The following NFIB variants were observed in gnomAD, a reference collection of about 807,000 sequenced individuals.
The protein encoded by NFIB is nuclear factor I B, also known as nuclear factor 1 B-type.
In NFIB, 11 loss-of-function variants were observed where a neutral mutation model predicts 61.5. The observed-to-expected ratio is 0.18, with a 90% CI of 0.11 to 0.30. The LOEUF (loss-of-function observed/expected upper bound fraction) is 0.30. NFIB is among the 10% of genes least tolerant of loss of function. NFIB has a pLI of 1.00. For synonymous variants in NFIB, 260 were observed against 216.5 expected, an observed-to-expected ratio of 1.20 and a Z score of -1.76; for missense variants, 471 against 608.9, an observed-to-expected ratio of 0.77 and a Z score of 2.38.
the NFIB span, among the ~76,000 whole-genome samples, chr9:14,438,562 G>C: frequency 6.6e-6 from 1 of 152,186 alleles, no homozygotes; most frequent in Non-Finnish European, 1.5e-5. Flanking sequence ...AGCTGGAAAG[G>C]GGGTGGTGGA....
At chr9:14,122,675 G>C (rs1292973395) in intron 7 of NFIB, among the ~76,000 whole-genome samples, 8 of 152,114 alleles carry the variant, frequency 5.3e-5, no homozygotes. Flanking sequence ...TTTTAACCAT[G>C]ATTTTTGCTC....
intron 2 of NFIB, among the ~76,000 whole-genome samples, chr9:14,269,803 T>C (rs1001007318): frequency 6.6e-6 from 1 of 152,168 alleles, no homozygotes; most frequent in Admixed American, 6.5e-5. Flanking sequence ...TTCAATCTTA[T>C]GCTAACAAAA....
the NFIB span, among the ~76,000 whole-genome samples, chr9:14,524,246 T>C: frequency 3.9e-5 from 6 of 152,284 alleles, no homozygotes; most frequent in East Asian, 9.6e-4. Flanking sequence ...TATTCACACA[T>C]AATAAGTGCC....
chr9:14,318,196 T>C (rs1191156959), upstream of NFIB, among the ~76,000 whole-genome samples: 1 of 151,492 alleles, frequency 6.6e-6, no homozygotes, highest in Non-Finnish European at 1.5e-5. Flanking sequence ...TGCTGCCTTA[T>C]AAGGGAAAAA....
intron 1 of NFIB, among the ~76,000 whole-genome samples, chr9:14,388,865 T>C (rs1268167898): frequency 6.6e-6 from 1 of 152,232 alleles, no homozygotes; most frequent in African/African-American, 2.4e-5. Context: ...TGACATGTCT[T>C]GTAATTAAAA....
upstream of NFIB, among the ~76,000 whole-genome samples, chr9:14,315,616 C>T (rs1312410933): frequency 4.1e-5 from 6 of 147,726 alleles, no homozygotes; most frequent in Non-Finnish European, 9.0e-5. Flanking sequence ...TCGGCGCCCG[C>T]GCCGGCTCCC....
chr9:14,085,376 G>A lies in NFIB; in HGVS notation c.*2933C>T, dbSNP rs933603869. 4 of 224,226 alleles carry A rather than the reference G, an allele frequency of 1.8e-5. No homozygotes were observed. The highest frequency in any genetic ancestry group is 8.9e-5 in the African/African-American group (4 of 44,786). 13.9% of individuals were successfully genotyped at this position (224,226 alleles called of 1,614,324 possible). A position where few individuals can be genotyped will look rare whatever the true frequency, so the allele number is the denominator to read the frequency against. On this transcript the variant is annotated 3_prime_UTR_variant, in exon 11 of 11. Transcript: ENST00000380953. ...CTTCTAGTAATGAATACACTCAATG[G>A]GACTGGGCGGTGAGGGAAAGGCAAA...
Position 14,083,718 on chromosome 9 carries a change from T to C in NFIB, c.*4591A>G, listed in dbSNP as rs1183157779. On this transcript the variant is annotated 3_prime_UTR_variant, in exon 11 of 11. Transcript: ENST00000380953. ...CATCATTTCACACAGTACATAGAAT[T>C]TGAATCTAGGTAAAGAACATGTCCT... 2 of 224,562 alleles carry C rather than the reference T, an allele frequency of 8.9e-6. No homozygotes were observed. Among genetic ancestry groups the C allele is most frequent in the Non-Finnish European group, 1.8e-5 (2 of 112,426 alleles). 13.9% of individuals were successfully genotyped at this position (224,562 alleles called of 1,614,324 possible).
the NFIB span, among the ~76,000 whole-genome samples, chr9:14,483,759 C>T: frequency 0.01 from 1,573 of 152,298 alleles, 25 homozygotes; most frequent in African/African-American, 0.036. Flanking sequence ...GGCTATGGTT[C>T]CTCAACAATA....
chr9:14,104,947 A>G (rs1281973083), intron 10 of NFIB, among the ~76,000 whole-genome samples: 1 of 152,170 alleles, frequency 6.6e-6, no homozygotes, highest in African/African-American at 2.4e-5. Context: ...GAAAAATAAT[A>G]TGCTTTCACA....
the NFIB span, among the ~76,000 whole-genome samples, chr9:14,513,430 T>C: frequency 1.3e-4 from 19 of 151,926 alleles, no homozygotes; most frequent in South Asian, 3.7e-3. Flanking sequence ...GAGTTTGAGA[T>C]CAGCCTAACC....
chr9:14,485,357 G>C, the NFIB span, among the ~76,000 whole-genome samples: 1 of 142,788 alleles, frequency 7.0e-6, no homozygotes, highest in African/African-American at 3.0e-5. Flanking sequence ...ACCTGATTTT[G>C]TCCTCCAGCA....
intron 2 of NFIB, among the ~76,000 whole-genome samples, chr9:14,288,241 A>C (rs1003419749): frequency 5.9e-5 from 9 of 152,120 alleles, no homozygotes; most frequent in Non-Finnish European, 1.3e-4. Flanking sequence ...ATACTTTACG[A>C]AACATTTTAA....
intron 10 of NFIB, among the ~76,000 whole-genome samples, chr9:14,091,712 G>A (rs1010895499): frequency 2.0e-5 from 3 of 152,050 alleles, no homozygotes; most frequent in South Asian, 2.1e-4. Context: ...AAGAGAAGAT[G>A]AGCATAGCTG....
intron 1 of NFIB, among the ~76,000 whole-genome samples, chr9:14,368,757 T>C (rs2061328565): frequency 6.6e-6 from 1 of 152,218 alleles, no homozygotes; most frequent in Non-Finnish European, 1.5e-5. Context: ...ATTTTGGTGC[T>C]TTCAGAGAGA....
At position 14,103,884 on chromosome 9, in the gene NFIB, T is replaced by C. The variant is rs574221651; in HGVS notation, c.1467+9115A>G. Among the ~76,000 whole-genome samples, 3 of 152,066 alleles carry C rather than the reference T, an allele frequency of 2.0e-5. No individual in the cohort carries two copies. In the South Asian group the frequency reaches 6.2e-4, roughly 32 times the overall value. Reference sequence around the variant, plus strand: ...GCTCAGGATATATGTCATAAAGAAGTCATAAATCAGTAAATAAATTAGAAA... The same window carrying C: ...GCTCAGGATATATGTCATAAAGAAGCCATAAATCAGTAAATAAATTAGAAA... On this transcript the variant is annotated intron_variant, in intron 10 of 10. Coordinates refer to ENST00000380953, the MANE Select transcript of NFIB (RefSeq NM_001190737.2).
the NFIB span, among the ~76,000 whole-genome samples, chr9:14,517,836 C>A: frequency 6.6e-6 from 1 of 152,132 alleles, no homozygotes; most frequent in African/African-American, 2.4e-5. Flanking sequence ...GCCACTGGAC[C>A]TTTGCATATG....
At chr9:14,244,295 A>G (rs1458556312) in intron 2 of NFIB, among the ~76,000 whole-genome samples, 1 of 152,220 alleles carries the variant, frequency 6.6e-6, no homozygotes, top group African/African-American at 2.4e-5. Flanking sequence ...AGAGGAAATG[A>G]TAGGTCAGAA....
intron 2 of NFIB, among the ~76,000 whole-genome samples, chr9:14,202,884 T>C (rs910939053): frequency 2.0e-5 from 3 of 152,230 alleles, no homozygotes; most frequent in Non-Finnish European, 4.4e-5. Context: ...ATCTATTGAC[T>C]AGCTTTGTGA....
Sources: gnomAD v4.1 joint callset for allele counts (sites outside exome capture counted in the v4.1 genomes callset) on GRCh38, gnomAD v4.1.1 for gene constraint, MANE v1.5 for transcripts, NCBI Gene and HGNC (gene_info 2026-07-23, HGNC 2026-07-21) for gene names.